Variants in GRID2 observed in about 807,000 individuals in gnomAD.
GRID2 encodes glutamate ionotropic receptor delta type subunit 2, also known as glutamate receptor ionotropic, delta-2.
A neutral mutation model predicts 114.8 loss-of-function variants in GRID2; 33 were observed. The ratio of observed to expected loss-of-function variants is 0.29; its 90% CI spans 0.22 to 0.38. GRID2 has a LOEUF of 0.38. Among genes scored for constraint, GRID2 ranks in the 10% least tolerant of loss-of-function variants. The pLI is 1.00. For missense variants in GRID2, 1,184 were observed against 1,257.7 expected (o/e 0.94, Z 0.89); for synonymous variants, 505 against 449.9 (o/e 1.12, Z -1.55).
chr4:93,375,284 C>T (rs1348911677), intron 8 of GRID2, among the ~76,000 whole-genome samples: 1 of 144,120 alleles, frequency 6.9e-6, no homozygotes, highest in Non-Finnish European at 1.5e-5. Context: ...AGGATCTTGT[C>T]TCGCTGCAAG....
intron 4 of GRID2, among the ~76,000 whole-genome samples, chr4:93,178,031 C>T (rs1474172020): frequency 6.6e-6 from 1 of 151,536 alleles, no homozygotes; most frequent in Admixed American, 6.6e-5. Flanking sequence ...TTGCTACCTT[C>T]GTCCTTCAGT....
intron 1 of GRID2, among the ~76,000 whole-genome samples, chr4:92,396,285 T>C (rs974497521): frequency 2.0e-5 from 3 of 151,896 alleles, no homozygotes; most frequent in African/African-American, 7.2e-5. Flanking sequence ...AAAGGTAAAA[T>C]AGAGAGCTTG....
chr4:93,210,017 C>T (rs1378314465), intron 5 of GRID2, among the ~76,000 whole-genome samples: 1 of 151,894 alleles, frequency 6.6e-6, no homozygotes, highest in African/African-American at 2.4e-5. Context: ...TTGACAGATG[C>T]ATAGTTTGCA....
Position 92,934,818 on chromosome 4 carries a change from G to A in GRID2, c.245-150177G>A, listed in dbSNP as rs1378993236. 2.0e-5 allele frequency among the ~76,000 whole-genome samples: 3 copies of A among 146,976 alleles called. No individual in the cohort carries two copies. In the East Asian group the frequency reaches 6.5e-4, roughly 32 times the overall value. ...TTCCCTATTTAATAAATGGTGCTGGGAAAACTGACTAGCCATATGTAGAAA... is the reference window on the plus strand; with the variant it reads ...TTCCCTATTTAATAAATGGTGCTGGAAAAACTGACTAGCCATATGTAGAAA... On this transcript the variant is annotated intron_variant, in intron 2 of 15. Coordinates refer to ENST00000282020, the MANE Select transcript of GRID2 (RefSeq NM_001510.4).
chr4:92,632,728 GGAAGGAAGGGAAGAAGT>G (rs539556731), intron 2 of GRID2, among the ~76,000 whole-genome samples: 1,743 of 151,926 alleles, frequency 0.011, 17 homozygotes, highest in Non-Finnish European at 0.019. Context: ...GTGAAGAAAG[GGAAGGAAGGGAAGAAGT>G]GAAGGAAGGG....
intron 2 of GRID2, among the ~76,000 whole-genome samples, chr4:92,671,397 C>T (rs1733065096): frequency 6.6e-6 from 1 of 152,018 alleles, no homozygotes; most frequent in African/African-American, 2.4e-5. Flanking sequence ...CTAGCCAATA[C>T]CCACTCTAGA....
intron 1 of GRID2, among the ~76,000 whole-genome samples, chr4:92,584,370 C>T (rs1285072569): frequency 6.6e-6 from 1 of 151,824 alleles, no homozygotes; most frequent in African/African-American, 2.4e-5. Flanking sequence ...AATGCATTGT[C>T]AGAATTAAAT....
chr4:92,859,172 A>G (rs1653233300), intron 2 of GRID2, among the ~76,000 whole-genome samples: 1 of 152,196 alleles, frequency 6.6e-6, no homozygotes, highest in South Asian at 2.1e-4. Flanking sequence ...ACCTTCAGCA[A>G]CCAGAACTCT....
intron 1 of GRID2, among the ~76,000 whole-genome samples, chr4:92,507,284 A>G (rs1208394480): frequency 6.6e-6 from 1 of 151,960 alleles, no homozygotes; most frequent in Non-Finnish European, 1.5e-5. Flanking sequence ...AGAGCATATC[A>G]CAGCTCCTTC....
chr4:92,882,643 G>A (rs1746109722), intron 2 of GRID2, among the ~76,000 whole-genome samples: 1 of 152,076 alleles, frequency 6.6e-6, no homozygotes, highest in Non-Finnish European at 1.5e-5. Context: ...ATACCTCAGA[G>A]ATACTGTGGC....
intron 10 of GRID2, 30 bp downstream of exon 10, chr4:93,422,998 A>AC: frequency 1.4e-6 from 2 of 1,435,586 alleles, no homozygotes; most frequent in Non-Finnish European, 2.0e-6. Context: ...TTTGTCTCAT[A>AC]CTTAAAGGTT....
intron 2 of GRID2, among the ~76,000 whole-genome samples, chr4:92,882,017 T>G (rs1210579297): frequency 6.6e-6 from 1 of 152,190 alleles, no homozygotes; most frequent in Non-Finnish European, 1.5e-5. Flanking sequence ...CACATATCAT[T>G]TAGTAAGGAT....
intron 1 of GRID2, among the ~76,000 whole-genome samples, chr4:92,411,655 G>GTGTGTGTGTATATATATATATA: frequency 1.2e-5 from 1 of 84,722 alleles, no homozygotes; most frequent in African/African-American, 5.9e-5. Context: ...GTGTGTGTGT[G>GTGTGTGTGTATATATATATATA]TATATATATA....
downstream of GRID2, among the ~76,000 whole-genome samples, chr4:93,778,273 C>G (rs990413135): frequency 6.6e-6 from 1 of 151,844 alleles, no homozygotes; most frequent in Non-Finnish European, 1.5e-5. Context: ...AAATTAAATG[C>G]TAACCCTCTA....
chr4:93,747,644 C>G (rs1731954669), intron 14 of GRID2, among the ~76,000 whole-genome samples: 1 of 152,032 alleles, frequency 6.6e-6, no homozygotes, highest in African/African-American at 2.4e-5. Flanking sequence ...TACACAAAAA[C>G]TGTTGTACAT....
chr4:92,948,783 A>C (rs1049739778), intron 2 of GRID2, among the ~76,000 whole-genome samples: 4 of 152,188 alleles, frequency 2.6e-5, no homozygotes, highest in Admixed American at 1.3e-4. Context: ...GAATTAGTAC[A>C]ATCTCTGAGA....
intron 1 of GRID2, among the ~76,000 whole-genome samples, chr4:92,544,934 A>T (rs1427305339): frequency 1.3e-5 from 2 of 152,094 alleles, no homozygotes; most frequent in Non-Finnish European, 2.9e-5. Flanking sequence ...TGAGCCCAGA[A>T]ATTATGCTGC....
chr4:93,005,347 T>C (rs1721405434), intron 2 of GRID2, among the ~76,000 whole-genome samples: 1 of 152,026 alleles, frequency 6.6e-6, no homozygotes, highest in African/African-American at 2.4e-5. Flanking sequence ...CCTACAGACT[T>C]TATACCAAAT....
chr4:93,216,853 A>G lies in GRID2; in HGVS notation c.905A>G (p.Asn302Ser), dbSNP rs182789669. 7 of 1,613,162 alleles carry G rather than the reference A, an allele frequency of 4.3e-6. No individual in the cohort carries two copies. The highest frequency in any genetic ancestry group is 1.3e-5 in the African/African-American group (1 of 75,002). ...QNISQRCFRG[N>S]HRISSTLCDP... ...ATAAGTCAGCGGTGTTTCCGTGGCA[A>G]CCATCGAATATCTTCAACATTGTGT... Residue 302 changes from asparagine to serine, a missense_variant, in exon 6 of 16, where the codon AAC becomes AGC. Around this residue, in one of 3 missense-constraint regions of GRID2, gnomAD observed 455 missense variants for 429.5 expected, o/e 1.06. Coordinates refer to ENST00000282020, the MANE Select transcript of GRID2 (RefSeq NM_001510.4).
Sources: allele counts gnomAD v4.1 joint callset (sites outside exome capture counted in the v4.1 genomes callset), GRCh38; gene constraint gnomAD v4.1.1; regional missense constraint gnomAD v4.1.1; transcripts MANE v1.5; gene names NCBI Gene and HGNC (gene_info 2026-07-23, HGNC 2026-07-21).